Variants in DECR2 observed in about 807,000 individuals in gnomAD.
The protein encoded by DECR2 is peroxisomal 2,4-dienoyl-CoA reductase [(3E)-enoyl-CoA-producing].
Under a neutral mutation model 29.2 loss-of-function variants are expected in DECR2, and 34 were observed. The observed-to-expected ratio is 1.16, with a 90% CI of 0.89 to 1.55. DECR2 has a LOEUF of 1.55. Ranked by LOEUF, DECR2 falls within the 40% of genes most tolerant of loss-of-function variation. The pLI is 0.00. For missense variants in DECR2, 485 were observed against 425.3 expected (o/e 1.14, Z -1.23); for synonymous variants, 224 against 182.7 (o/e 1.23, Z -1.82).
Position 410,768 on chromosome 16 carries a change from C to A in DECR2, c.540C>A (p.Ser180=), listed in dbSNP as rs754135610. The change falls in exon 6 of 9, where the codon TCC becomes TCA. Residue 180 remains serine, a synonymous_variant. Coordinates refer to ENST00000219481, the MANE Select transcript of DECR2 (RefSeq NM_020664.4). This position sits in a 1 kb window ranked among gnomAD's most constrained non-coding sequence, Gnocchi z 4.1. The stretch of plus-strand genomic sequence containing the variant: ...AGGCGCTCCAGGTGCATGCAGGCTC[C>A]GCCAAGGCCGCTGTGGGTATGACCA... The part of the protein sequence containing the change: ...RGQALQVHAG[S]AKAAVDAMTR... 2 of 1,599,920 alleles carry A rather than the reference C, an allele frequency of 1.3e-6. No homozygotes were observed. Among genetic ancestry groups the A allele is most frequent in the Non-Finnish European group, 1.7e-6 (2 of 1,174,990 alleles).
At chr16:409,983 A>C (rs1057275792) in intron 4 of DECR2, 8 of 522,188 alleles carry the variant, frequency 1.5e-5, no homozygotes, top group Non-Finnish European at 2.7e-5. Flanking sequence ...TCTGCAACCC[A>C]CCCCATTTCC....
rs1178882111 is a variant in DECR2, at chr16:409,937, C to T, written c.338-306C>T. On this transcript the variant is annotated intron_variant, in intron 4 of 8. Coordinates refer to ENST00000219481, the MANE Select transcript of DECR2 (RefSeq NM_020664.4). ...GCTGGTCATTGGATTTAGGGCTCAC[C>T]CTAATTCGTTGTGACTTCAGTGTAA... 6 of 397,304 alleles carry T rather than the reference C, an allele frequency of 1.5e-5. No individual in the cohort carries two copies. In the East Asian group the frequency reaches 2.6e-4, roughly 17 times the overall value. 24.6% of individuals were successfully genotyped at this position (397,304 alleles called of 1,614,324 possible).
In DECR2 at chr16:406,372, G is replaced by C. The variant is rs746139537; in HGVS notation, c.176G>C (p.Ser59Thr). 6.2e-7 allele frequency: 1 copy of C among 1,607,972 alleles called. No individual in the cohort carries two copies. The highest frequency in any genetic ancestry group is 1.1e-5 in the South Asian group (1 of 91,076). The change falls in exon 3 of 9, where the codon AGT (serine) becomes ACT (threonine). Residue 59 changes from serine to threonine, a missense_variant. Coordinates refer to ENST00000219481, the MANE Select transcript of DECR2 (RefSeq NM_020664.4). ...MRHGCHTVIA[S>T]RSLPRVLTAA... ...CACGGCTGCCATACGGTGATTGCCA[G>C]TAGGAGCCTGCCGCGAGTGCTGACG...
intron 4 of DECR2, among the ~76,000 whole-genome samples, chr16:409,295 C>G (rs1477371486): frequency 6.6e-6 from 1 of 152,054 alleles, no homozygotes; most frequent in Non-Finnish European, 1.5e-5. Context: ...CCTCAGTCCC[C>G]CAGTAGCTGG....
intron 4 of DECR2, among the ~76,000 whole-genome samples, chr16:408,799 G>C (rs192284009): frequency 1.3e-5 from 2 of 151,280 alleles, no homozygotes; most frequent in Non-Finnish European, 2.9e-5. Flanking sequence ...TTACAAGCAA[G>C]AGTCATCAAT....
At chr16:407,222 AGGTG>A in intron 3 of DECR2, 199 bp from the exon 4 acceptor site, 1 of 1,394,678 alleles carries the variant, frequency 7.2e-7, no homozygotes, top group Non-Finnish European at 9.3e-7. Context: ...GACAGGTGGC[AGGTG>A]GGGGGAGAGC....
At chr16:402,153 C>T (rs2054674122) in intron 1 of DECR2, 110 bp downstream of exon 1, 2 of 851,086 alleles carry the variant, frequency 2.3e-6, no homozygotes, top group Admixed American at 4.3e-5. Context: ...CCTGTCTTGC[C>T]TGGCTCCTTT....
rs1042397119 is a variant in DECR2, at chr16:402,951, C to T, written c.80+908C>T. On this transcript the variant is annotated intron_variant, in intron 1 of 8. Coordinates refer to ENST00000219481, the MANE Select transcript of DECR2 (RefSeq NM_020664.4). ...AGTGAGCCGAGATCGCACCATTGCACTGGGCAACAAGAGTGAAACTCCATC... is the reference window on the plus strand; with the variant it reads ...AGTGAGCCGAGATCGCACCATTGCATTGGGCAACAAGAGTGAAACTCCATC... The T allele has an allele frequency of 4.7e-6, 4 of 848,874 alleles. No homozygotes were observed. The East Asian group carries it at 3.7e-4, about 78-fold the overall frequency. The allele number at this position is 848,874 out of a possible 1,614,324, so 52.6% of individuals were successfully genotyped here. A position where few individuals can be genotyped will look rare whatever the true frequency, so the allele number is the denominator to read the frequency against.
intron 1 of DECR2, among the ~76,000 whole-genome samples, chr16:404,415 T>A (rs1275741232): frequency 6.6e-6 from 1 of 150,390 alleles, no homozygotes; most frequent in Non-Finnish European, 1.5e-5. Context: ...ATTTTTTATA[T>A]TTTTAGTAGA....
At chr16:404,663 T>C (rs1269086165) in intron 1 of DECR2, among the ~76,000 whole-genome samples, 1 of 149,978 alleles carries the variant, frequency 6.7e-6, no homozygotes, top group Non-Finnish European at 1.5e-5. Flanking sequence ...GGAGTCTTGC[T>C]CTTTTGCCCA....
At chr16:402,143 C>T (rs2054674002) in intron 1 of DECR2, 100 bp downstream of exon 1, 4 of 901,250 alleles carry the variant, frequency 4.4e-6, no homozygotes, top group Non-Finnish European at 6.0e-6. Context: ...TGTTAGGAAA[C>T]CTGTCTTGCC....
Position 407,112 on chromosome 16 carries a change from G to A in DECR2, c.202-313G>A, listed in dbSNP as rs556741113. On this transcript the variant is annotated intron_variant, in intron 3 of 8. Coordinates refer to ENST00000219481, the MANE Select transcript of DECR2 (RefSeq NM_020664.4). ...GTGCGTCCCACCTACTGGAGCCCTC[G>A]ACCTGGGAGGAGAGTCTCACCTGTG... is the stretch of plus-strand genomic sequence containing the variant. 5.7e-5 allele frequency: 66 copies of A among 1,160,636 alleles called. No individual in the cohort carries two copies. The African/African-American group carries it at 9.5e-4, about 17-fold the overall frequency. 71.9% of individuals were successfully genotyped at this position (1,160,636 alleles called of 1,614,324 possible). A position where few individuals can be genotyped will look rare whatever the true frequency, so the allele number is the denominator to read the frequency against.
chr16:408,872 C>T (rs2054775970), intron 4 of DECR2, among the ~76,000 whole-genome samples: 1 of 148,604 alleles, frequency 6.7e-6, no homozygotes, highest in South Asian at 2.1e-4. Context: ...GCTCTTGTTG[C>T]CCAGGCTGGA....
chr16:407,553 C>G lies in DECR2; in HGVS notation c.330C>G (p.Leu110=). The G allele has an allele frequency of 6.2e-7, 1 of 1,613,904 alleles. No individual in the cohort carries two copies. ...ALKEFGRIDI[L]INCAAGNFLC... ...AGGAGTTTGGCAGAATCGACATTCT[C>G]ATTAACTGTGAGTCGGTGCTGAGTG... is the stretch of plus-strand genomic sequence containing the variant. The change falls in exon 4 of 9, where the codon CTC becomes CTG. Residue 110 remains leucine (L), a synonymous_variant. Coordinates refer to ENST00000219481, the MANE Select transcript of DECR2 (RefSeq NM_020664.4).
chr16:402,064 G>C (rs555052741), intron 1 of DECR2, 21 bp downstream of exon 1: 1 of 1,355,480 alleles, frequency 7.4e-7, no homozygotes, highest in East Asian at 3.1e-5. Context: ...CCTGGGAAGC[G>C]AGCGCAGCCT....
At chr16:404,159 C>T (rs557658323) in intron 1 of DECR2, among the ~76,000 whole-genome samples, 39 of 151,438 alleles carry the variant, frequency 2.6e-4, no homozygotes, top group African/African-American at 9.0e-4. Context: ...GGCGACAGAG[C>T]GAGACTCCAT....
At chr16:405,774 G>C (rs1316955453) in intron 2 of DECR2, 1 of 401,540 alleles carries the variant, frequency 2.5e-6, no homozygotes, top group Non-Finnish European at 5.0e-6. Flanking sequence ...CACAGGGAAA[G>C]GGGTCCTGCT....
In DECR2 at chr16:401,919, A is replaced by C; in HGVS notation, c.-45A>C. On this transcript the variant is annotated 5_prime_UTR_variant, in exon 1 of 9. Transcript: ENST00000219481. ...GCTGCGCGCCGGGTCCTGGAGGCCG[A>C]GGCCGCTCCCGCCCGTTGTCCCCGC... 6.8e-7 allele frequency: 1 copy of C among 1,464,980 alleles called. No individual in the cohort carries two copies. 90.7% of individuals were successfully genotyped at this position (1,464,980 alleles called of 1,614,324 possible).
At chr16:406,513 C>A in intron 3 of DECR2, 116 bp downstream of exon 3, 1 of 1,049,566 alleles carries the variant, frequency 9.5e-7, no homozygotes, top group Non-Finnish European at 1.4e-6. Context: ...CTTTTTTTTT[C>A]TGAGACGGGA....
Sources: gnomAD v4.1 joint callset for allele counts (sites outside exome capture counted in the v4.1 genomes callset) on GRCh38, gnomAD v4.1.1 for gene constraint, Gnocchi (gnomAD v3.1) non-coding constraint, MANE v1.5 for transcripts, NCBI Gene and HGNC (gene_info 2026-07-23, HGNC 2026-07-21) for gene names.